Variants in HHIP observed in about 807,000 individuals in gnomAD.
HHIP encodes hedgehog interacting protein.
Under a neutral mutation model 74.0 loss-of-function variants are expected in HHIP, and 12 were observed. The observed-to-expected ratio is 0.16, with a 90% CI of 0.10 to 0.26. HHIP has a LOEUF of 0.26. HHIP is among the 10% of genes least tolerant of loss of function. The pLI, the probability that HHIP is intolerant of heterozygous loss-of-function variation, is 1.00. For synonymous variants in HHIP, 309 were observed against 311.6 expected (o/e 0.99, Z 0.09); for missense variants, 788 against 845.0 (o/e 0.93, Z 0.84).
At chr4:144,680,052 C>T (rs1222507535) in intron 4 of HHIP, among the ~76,000 whole-genome samples, 1 of 151,894 alleles carries the variant, frequency 6.6e-6, no homozygotes, top group Non-Finnish European at 1.5e-5. Flanking sequence ...TAAACATGTT[C>T]GTGAAATTAA....
chr4:144,726,883 CTTCCATCATTA>C (rs1304733586), intron 11 of HHIP, among the ~76,000 whole-genome samples: 3 of 152,172 alleles, frequency 2.0e-5, no homozygotes, highest in Non-Finnish European at 4.4e-5. Flanking sequence ...CAGAGTTTCA[CTTCCATCATTA>C]TTTTGTTTTG....
At chr4:144,702,955 G>A (rs1256803156) in intron 4 of HHIP, among the ~76,000 whole-genome samples, 1 of 152,142 alleles carries the variant, frequency 6.6e-6, no homozygotes, top group Non-Finnish European at 1.5e-5. Flanking sequence ...AGTGGCTCAC[G>A]CCTGTAATCC....
intron 2 of HHIP, among the ~76,000 whole-genome samples, chr4:144,655,498 T>TGTC (rs1415758362): frequency 2.0e-5 from 3 of 152,132 alleles, no homozygotes; most frequent in Non-Finnish European, 2.9e-5. Flanking sequence ...CAGTAGGTTA[T>TGTC]TGTAGTGTGA....
intron 6 of HHIP, among the ~76,000 whole-genome samples, chr4:144,707,600 T>C (rs1730180711): frequency 1.6e-5 from 2 of 124,516 alleles, no homozygotes; most frequent in Non-Finnish European, 3.2e-5. Flanking sequence ...TCCTGGGAGA[T>C]ATAGAATACA....
chr4:144,667,263 C>T (rs1728899175), intron 4 of HHIP, among the ~76,000 whole-genome samples: 1 of 152,102 alleles, frequency 6.6e-6, no homozygotes, highest in Non-Finnish European at 1.5e-5. Flanking sequence ...GCGAGAGGAT[C>T]CCTTGAGCCC....
intron 11 of HHIP, among the ~76,000 whole-genome samples, chr4:144,733,223 G>C (rs1263050073): frequency 1.3e-5 from 2 of 152,060 alleles, no homozygotes; most frequent in African/African-American, 4.8e-5. Context: ...AATATGCTTA[G>C]TGCATAGAAT....
chr4:144,719,504 G>T (rs1426444198), intron 11 of HHIP, among the ~76,000 whole-genome samples: 1 of 152,142 alleles, frequency 6.6e-6, no homozygotes, highest in Non-Finnish European at 1.5e-5. Context: ...GCAAAAGAAA[G>T]ATTTGAATGT....
chr4:144,684,320 G>A (rs189394292), intron 4 of HHIP, among the ~76,000 whole-genome samples: 3,746 of 121,514 alleles, frequency 0.031, 188 homozygotes, highest in African/African-American at 0.11. Flanking sequence ...GTGCAGTGGC[G>A]CGATCTCGGC....
chr4:144,676,317 T>G (rs2126614039), intron 4 of HHIP, among the ~76,000 whole-genome samples: 1 of 152,266 alleles, frequency 6.6e-6, no homozygotes, highest in South Asian at 2.1e-4. Flanking sequence ...AAACTCAGAA[T>G]TTTGAAACAA....
intron 8 of HHIP, among the ~76,000 whole-genome samples, chr4:144,713,133 T>C (rs1195538796): frequency 6.6e-6 from 1 of 152,088 alleles, no homozygotes; most frequent in Non-Finnish European, 1.5e-5. Context: ...CCAGACCCTG[T>C]AGTAAGCACT....
chr4:144,694,675 A>G (rs758402071), intron 4 of HHIP, among the ~76,000 whole-genome samples: 83 of 151,822 alleles, frequency 5.5e-4, no homozygotes, highest in Non-Finnish European at 8.9e-4. Context: ...TTCTATTGAA[A>G]AGGCCCTGAA....
chr4:144,685,337 T>A (rs1158135692), intron 4 of HHIP, among the ~76,000 whole-genome samples: 1 of 152,244 alleles, frequency 6.6e-6, no homozygotes, highest in East Asian at 1.9e-4. Flanking sequence ...ACCAGAACTA[T>A]GTTCAGAAAA....
intron 4 of HHIP, among the ~76,000 whole-genome samples, chr4:144,699,571 C>A (rs1202805856): frequency 1.3e-5 from 2 of 152,066 alleles, no homozygotes; most frequent in African/African-American, 4.8e-5. Context: ...ATGGTGGGTT[C>A]CTCTGGCTGC....
chr4:144,688,985 A>G (rs184208609), intron 4 of HHIP, among the ~76,000 whole-genome samples: 5 of 152,346 alleles, frequency 3.3e-5, no homozygotes, highest in Admixed American at 2.6e-4. Flanking sequence ...TGTTCTAGAC[A>G]CTGAAACCAT....
Position 144,646,725 on chromosome 4 carries a change from G to T in HHIP, c.50G>T (p.Gly17Val), listed in dbSNP as rs755009602. Reference sequence around the variant, plus strand: ...CTGCTGCTGCTGGCCGTGGCTCTGGGCTTCTTTGAAGGAGATGCTAAGTTT... The same window carrying T: ...CTGCTGCTGCTGGCCGTGGCTCTGGTCTTCTTTGAAGGAGATGCTAAGTTT... ...FKLLLLAVAL[G>V]FFEGDAKFGE... The change falls in exon 1 of 13, where the codon GGC becomes GTC. Residue 17 changes from glycine (G) to valine (V), a missense_variant. Coordinates refer to ENST00000296575, the MANE Select transcript of HHIP (RefSeq NM_022475.3). 2 of 1,614,202 alleles carry T rather than the reference G, an allele frequency of 1.2e-6. No homozygotes were observed. Among genetic ancestry groups the T allele is most frequent in the East Asian group, 4.5e-5 (2 of 44,886 alleles).
At chr4:144,695,543 G>A (rs1341672035) in intron 4 of HHIP, among the ~76,000 whole-genome samples, 1 of 151,420 alleles carries the variant, frequency 6.6e-6, no homozygotes, top group African/African-American at 2.4e-5. Context: ...TTTTGGAGGG[G>A]AGGAAATATT....
chr4:144,677,904 C>T (rs956049697), intron 4 of HHIP, among the ~76,000 whole-genome samples: 2 of 152,068 alleles, frequency 1.3e-5, no homozygotes, highest in Non-Finnish European at 2.9e-5. Flanking sequence ...TTTTATAAGA[C>T]GTGTAGACCC....
chr4:144,705,539 A>ACTAGTATGTG (rs1730110360), intron 4 of HHIP, among the ~76,000 whole-genome samples: 1 of 152,192 alleles, frequency 6.6e-6, no homozygotes, highest in Non-Finnish European at 1.5e-5. Flanking sequence ...TCCTGGCTTT[A>ACTAGTATGTG]CTAGTATGTG....
At chr4:144,704,356 GATTT>G (rs1249883149) in intron 4 of HHIP, among the ~76,000 whole-genome samples, 3 of 151,896 alleles carry the variant, frequency 2.0e-5, no homozygotes, top group African/African-American at 7.3e-5. Flanking sequence ...TTGCTTTTTT[GATTT>G]ATTTCTCTGT....
Sources: allele counts gnomAD v4.1 joint callset (sites outside exome capture counted in the v4.1 genomes callset), GRCh38; gene constraint gnomAD v4.1.1; transcripts MANE v1.5; gene names NCBI Gene and HGNC (gene_info 2026-07-23, HGNC 2026-07-21).